Variants in CABCOCO1 observed in about 807,000 individuals in gnomAD.
CABCOCO1 encodes ciliary-associated calcium-binding coiled-coil protein 1.
Under a neutral mutation model 35.7 loss-of-function variants are expected in CABCOCO1, and 28 were observed. The ratio of observed to expected loss-of-function variants is 0.78; its 90% confidence interval spans 0.58 to 1.07. CABCOCO1 has a LOEUF of 1.07. Ranked by LOEUF, CABCOCO1 falls within the 50% of genes least tolerant of loss-of-function variation. CABCOCO1 has a pLI of 0.00. For synonymous variants in CABCOCO1, 95 were observed against 100.1 expected (o/e 0.95, Z 0.30); for missense variants, 326 against 309.2 (o/e 1.05, Z -0.41).
At chr10:61,702,086 C>T (rs557645905) in intron 5 of CABCOCO1, among the ~76,000 whole-genome samples, 18 of 152,208 alleles carry the variant, frequency 1.2e-4, no homozygotes, top group Admixed American at 4.6e-4. Context: ...GGCAGAGAGA[C>T]GGCACTTTAA....
intron 5 of CABCOCO1, among the ~76,000 whole-genome samples, chr10:61,742,804 G>A (rs1235906266): frequency 1.3e-5 from 2 of 152,134 alleles, no homozygotes; most frequent in African/African-American, 4.8e-5. Flanking sequence ...AAAATGTTGA[G>A]AGAGAAGTTA....
intron 5 of CABCOCO1, among the ~76,000 whole-genome samples, chr10:61,753,832 GGTATTGAATATAT>G (rs1436009603): frequency 6.6e-6 from 1 of 152,034 alleles, no homozygotes; most frequent in Non-Finnish European, 1.5e-5. Context: ...CAAATAACGT[GGTATTGAATATAT>G]GTTTGATACT....
intron 5 of CABCOCO1, among the ~76,000 whole-genome samples, chr10:61,692,924 G>A (rs1840192200): frequency 6.6e-6 from 1 of 152,042 alleles, no homozygotes; most frequent in East Asian, 1.9e-4. Flanking sequence ...GCAAAACTTT[G>A]GGAAAATGAT....
intron 5 of CABCOCO1, among the ~76,000 whole-genome samples, chr10:61,743,494 T>C (rs1589151037): frequency 6.6e-6 from 1 of 152,284 alleles, no homozygotes; most frequent in East Asian, 1.9e-4. Flanking sequence ...TCTAAGAAAA[T>C]TGACTCTACC....
At chr10:61,749,731 C>T (rs938165658) in intron 5 of CABCOCO1, among the ~76,000 whole-genome samples, 6 of 152,152 alleles carry the variant, frequency 3.9e-5, no homozygotes, top group East Asian at 1.9e-4. Context: ...AAGTTAGGTG[C>T]GTGGGTTTCA....
At chr10:61,669,270 A>T (rs2131949853) in intron 1 of CABCOCO1, among the ~76,000 whole-genome samples, 1 of 152,120 alleles carries the variant, frequency 6.6e-6, no homozygotes, top group South Asian at 2.1e-4. Flanking sequence ...AGGGAAAAAA[A>T]TTAGAGAAAA....
rs1400802754 is a variant in CABCOCO1 at position 61,672,221 on chromosome 10, C to T, written c.61-411C>T. ...GTCCTTTCTTTTAGACTGAATGCCG[C>T]ATGTATTATGGCTTACTTGTGTTCT... is the stretch of plus-strand genomic sequence containing the variant. On this transcript the variant is annotated intron_variant, in intron 1 of 7. Coordinates refer to ENST00000648843, the MANE Select transcript of CABCOCO1 (RefSeq NM_001366906.2). Among the ~76,000 whole-genome samples the T allele has an allele frequency of 2.6e-5, 4 of 152,254 alleles. 1 individual carries two copies. Among genetic ancestry groups the T allele is most frequent in the Middle Eastern group, 6.8e-3 (2 of 294 alleles).
intron 5 of CABCOCO1, among the ~76,000 whole-genome samples, chr10:61,706,797 C>T (rs7908558): frequency 0.4 from 61,120 of 151,828 alleles, 14,349 homozygotes; most frequent in Middle Eastern, 0.54. Context: ...CATTGAATCA[C>T]TACATGTTGG....
chr10:61,708,771 C>A (rs1157939615), intron 5 of CABCOCO1, among the ~76,000 whole-genome samples: 1 of 152,114 alleles, frequency 6.6e-6, no homozygotes, highest in Non-Finnish European at 1.5e-5. Context: ...ACCATAGCAA[C>A]CTACTACCCT....
intron 5 of CABCOCO1, among the ~76,000 whole-genome samples, chr10:61,715,613 G>A (rs1221007165): frequency 6.6e-6 from 1 of 152,174 alleles, no homozygotes; most frequent in Non-Finnish European, 1.5e-5. Context: ...AGCATCGATG[G>A]TCTTTACAAT....
intron 5 of CABCOCO1, among the ~76,000 whole-genome samples, chr10:61,755,543 C>T (rs1005490181): frequency 3.3e-5 from 5 of 151,946 alleles, no homozygotes; most frequent in East Asian, 1.9e-4. Flanking sequence ...CAAAGCAAAC[C>T]GGTATTTTGT....
At chr10:61,675,712 T>C (rs554267190) in intron 2 of CABCOCO1, among the ~76,000 whole-genome samples, 1 of 151,894 alleles carries the variant, frequency 6.6e-6, no homozygotes, top group Non-Finnish European at 1.5e-5. Context: ...AGGGCATCAA[T>C]TTCACAAAAC....
chr10:61,697,505 T>C (rs564813205), intron 5 of CABCOCO1, among the ~76,000 whole-genome samples: 26 of 152,208 alleles, frequency 1.7e-4, no homozygotes, highest in Non-Finnish European at 1.5e-5. Flanking sequence ...TGTAGACATG[T>C]ATATGCATGT....
At chr10:61,679,474 T>C (rs1335657832) in intron 2 of CABCOCO1, among the ~76,000 whole-genome samples, 1 of 152,188 alleles carries the variant, frequency 6.6e-6, no homozygotes, top group Non-Finnish European at 1.5e-5. Flanking sequence ...ATTGACTGTT[T>C]ATATGATAAT....
chr10:61,670,096 A>G (rs1219971090), intron 1 of CABCOCO1, among the ~76,000 whole-genome samples: 1 of 152,120 alleles, frequency 6.6e-6, no homozygotes, highest in African/African-American at 2.4e-5. Context: ...TTAGCAACCT[A>G]TGTTGACATA....
chr10:61,752,378 A>AG (rs66747634), intron 5 of CABCOCO1, among the ~76,000 whole-genome samples: 2 of 151,536 alleles, frequency 1.3e-5, no homozygotes, highest in African/African-American at 4.9e-5. Context: ...AAAAAAAAAA[A>AG]AGGGTAGGGG....
intron 5 of CABCOCO1, among the ~76,000 whole-genome samples, chr10:61,697,340 T>C (rs1840322735): frequency 6.6e-6 from 1 of 152,120 alleles, no homozygotes; most frequent in Admixed American, 6.6e-5. Context: ...AGTCACACTA[T>C]AAAAAACTAT....
chr10:61,712,286 G>C (rs1324620112), intron 5 of CABCOCO1, among the ~76,000 whole-genome samples: 3 of 152,100 alleles, frequency 2.0e-5, no homozygotes, highest in Non-Finnish European at 4.4e-5. Context: ...TCACGTGTCT[G>C]TTGGCTGCAT....
At chr10:61,717,885 A>G (rs992018685) in intron 5 of CABCOCO1, among the ~76,000 whole-genome samples, 1 of 152,250 alleles carries the variant, frequency 6.6e-6, no homozygotes, top group Admixed American at 6.5e-5. Context: ...AAGCAAGGGC[A>G]TAGAGACAAG....
Sources: gnomAD v4.1 joint callset for allele counts (sites outside exome capture counted in the v4.1 genomes callset) on GRCh38, gnomAD v4.1.1 for gene constraint, MANE v1.5 for transcripts, NCBI Gene and HGNC (gene_info 2026-07-23, HGNC 2026-07-21) for gene names.